FGF12: variants seen among roughly 807,000 people sequenced by gnomAD.
FGF12 encodes the protein fibroblast growth factor 12B.
A neutral mutation model predicts 23.6 loss-of-function variants in FGF12; 14 were observed. The observed-to-expected ratio is 0.59, with a 90% CI of 0.39 to 0.93. The LOEUF is 0.93. Among genes scored for constraint, FGF12 ranks in the 40% least tolerant of loss-of-function variants. FGF12 has a pLI of 0.00. For synonymous variants in FGF12, 62 were observed against 77.3 expected (o/e 0.80, Z 1.04); for missense variants, 175 against 217.8 (o/e 0.80, Z 1.24).
At chr3:192,407,982 G>T (rs377722349) in intron 2 of FGF12, 11 of 1,540,062 alleles carry the variant, frequency 7.1e-6, no homozygotes, top group Non-Finnish European at 9.6e-6. Context: ...GGGAGAAAGA[G>T]GGCGTCCCCT....
intron 4 of FGF12, among the ~76,000 whole-genome samples, chr3:192,253,377 C>T (rs962321811): frequency 2.7e-5 from 4 of 150,772 alleles, no homozygotes; most frequent in Admixed American, 1.3e-4. Flanking sequence ...GCAAGAGTAA[C>T]GCATATTACA....
At chr3:192,439,388 T>A (rs1326239531) in intron 2 of FGF12, among the ~76,000 whole-genome samples, 1 of 152,144 alleles carries the variant, frequency 6.6e-6, no homozygotes, top group Non-Finnish European at 1.5e-5. Flanking sequence ...ACATCAAACT[T>A]TTCTCCATGT....
At chr3:192,258,383 G>A (rs553059241) in intron 4 of FGF12, among the ~76,000 whole-genome samples, 12 of 152,232 alleles carry the variant, frequency 7.9e-5, no homozygotes, top group South Asian at 2.1e-4. Flanking sequence ...ACTTGAACCC[G>A]CGAGGCAGAG....
At chr3:192,264,626 T>G (rs1356149480) in intron 4 of FGF12, among the ~76,000 whole-genome samples, 1 of 152,098 alleles carries the variant, frequency 6.6e-6, no homozygotes. Flanking sequence ...AGGAAACTGA[T>G]GTACAGAGAG....
At chr3:192,473,729 A>C (rs996760161) in intron 2 of FGF12, among the ~76,000 whole-genome samples, 6 of 152,166 alleles carry the variant, frequency 3.9e-5, no homozygotes, top group Non-Finnish European at 4.4e-5. Context: ...CACCTCATTG[A>C]TTCTGCGCTT....
intron 4 of FGF12, among the ~76,000 whole-genome samples, chr3:192,264,117 T>C (rs894472349): frequency 6.6e-6 from 1 of 152,088 alleles, no homozygotes. Context: ...TAATATCTCA[T>C]TATGACTTAG....
chr3:192,246,859 G>A (rs1312401598), intron 4 of FGF12, among the ~76,000 whole-genome samples: 7 of 147,088 alleles, frequency 4.8e-5, no homozygotes, highest in Non-Finnish European at 7.5e-5. Context: ...AGAGGAAAGA[G>A]AGAGAGAGAG....
At chr3:192,270,806 AGG>A (rs1194562875) in intron 4 of FGF12, among the ~76,000 whole-genome samples, 2 of 151,696 alleles carry the variant, frequency 1.3e-5, no homozygotes, top group African/African-American at 2.4e-5. Flanking sequence ...GAAGGAAGGA[AGG>A]AAGGAAGGAA....
chr3:192,632,614 A>G (rs1715431224), intron 2 of FGF12, among the ~76,000 whole-genome samples: 1 of 152,230 alleles, frequency 6.6e-6, no homozygotes, highest in South Asian at 2.1e-4. Flanking sequence ...TTAAATTCGC[A>G]GATATTTGTA....
intron 2 of FGF12, among the ~76,000 whole-genome samples, chr3:192,687,852 T>C (rs1205864611): frequency 6.6e-6 from 1 of 152,134 alleles, no homozygotes; most frequent in Non-Finnish European, 1.5e-5. Flanking sequence ...ATCATGCATG[T>C]GTACACTGCC....
At chr3:192,479,189 C>A (rs1723410439) in intron 2 of FGF12, among the ~76,000 whole-genome samples, 1 of 152,154 alleles carries the variant, frequency 6.6e-6, no homozygotes, top group African/African-American at 2.4e-5. Flanking sequence ...TCACCAGTGT[C>A]TAAAAGGAAT....
intron 2 of FGF12, among the ~76,000 whole-genome samples, chr3:192,500,363 T>A (rs1724098235): frequency 6.6e-6 from 1 of 152,166 alleles, no homozygotes; most frequent in South Asian, 2.1e-4. Context: ...CAATTGAAGG[T>A]CTAGAAAATA....
At chr3:192,620,515 G>A (rs1714935769) in intron 2 of FGF12, among the ~76,000 whole-genome samples, 2 of 152,144 alleles carry the variant, frequency 1.3e-5, no homozygotes, top group Admixed American at 6.5e-5. Flanking sequence ...ATGCCACCCT[G>A]TCTAAGCTAG....
At chr3:192,235,036 C>G (rs1719213794) in intron 4 of FGF12, among the ~76,000 whole-genome samples, 1 of 152,032 alleles carries the variant, frequency 6.6e-6, no homozygotes, top group Admixed American at 6.6e-5. Context: ...GTTTTGGTAT[C>G]AGAATGATGC....
intron 2 of FGF12, among the ~76,000 whole-genome samples, chr3:192,369,962 C>T (rs2366659): frequency 0.63 from 96,572 of 152,094 alleles, 33,290 homozygotes; most frequent in East Asian, 0.93. Flanking sequence ...TGAAGTACCA[C>T]TTTATAGTTA....
In FGF12 at chr3:192,589,830, G is replaced by C. The variant is rs1057442204; in HGVS notation, c.13+137351C>G. 4.6e-5 allele frequency among the ~76,000 whole-genome samples: 7 copies of C among 151,996 alleles called. 1 individual carries two copies. In the South Asian group the frequency reaches 1.1e-3, roughly 23 times the overall value. On this transcript the variant is annotated intron_variant, in intron 2 of 5. Transcript: ENST00000445105. Reference sequence around the variant, plus strand: ...ATCACTTTCTTAAGGTCACACGGTAGGAGGACTTTTCAGAGAAAATGACAA... The same window carrying C: ...ATCACTTTCTTAAGGTCACACGGTACGAGGACTTTTCAGAGAAAATGACAA...
At chr3:192,472,547 C>T (rs1019649499) in intron 2 of FGF12, among the ~76,000 whole-genome samples, 1 of 152,024 alleles carries the variant, frequency 6.6e-6, no homozygotes, top group Non-Finnish European at 1.5e-5. Flanking sequence ...AAGGTTCCCC[C>T]AAAGCCCACA....
chr3:192,139,968 C>A lies in FGF12; in HGVS notation c.*4041G>T, dbSNP rs1027402706. 2 of 151,926 alleles carry A rather than the reference C, an allele frequency of 1.3e-5. No individual in the cohort carries two copies. Among genetic ancestry groups the A allele is most frequent in the African/African-American group, 4.8e-5 (2 of 41,390 alleles). 9.4% of individuals were successfully genotyped at this position (151,926 alleles called of 1,614,324 possible). A position where few individuals can be genotyped will look rare whatever the true frequency, so the allele number is the denominator to read the frequency against. On this transcript the variant is annotated 3_prime_UTR_variant, in exon 6 of 6. Transcript: ENST00000445105. ...ACTTTTTGTAACTAAAAAATAATTT[C>A]CTGTGCATCACAAGGGGGATTAAAA...
At chr3:192,697,778 C>T (rs1718170375) in intron 2 of FGF12, among the ~76,000 whole-genome samples, 1 of 152,186 alleles carries the variant, frequency 6.6e-6, no homozygotes, top group Non-Finnish European at 1.5e-5. Flanking sequence ...ATATGCCAAG[C>T]ACACGACTCC....
Sources: gnomAD v4.1 joint callset for allele counts (sites outside exome capture counted in the v4.1 genomes callset) on GRCh38, gnomAD v4.1.1 for gene constraint, MANE v1.5 for transcripts, NCBI Gene and HGNC (gene_info 2026-07-23, HGNC 2026-07-21) for gene names.